PLA2G12A: variants seen among roughly 807,000 people sequenced by gnomAD.
PLA2G12A encodes the protein group XIIA secretory phospholipase A2.
In PLA2G12A, 11 loss-of-function variants were observed where a neutral mutation model predicts 16.0. The observed-to-expected ratio is 0.69, with a 90% CI of 0.43 to 1.13. The LOEUF is 1.13. Among genes scored for constraint, PLA2G12A ranks in the 50% most tolerant of loss-of-function variants. The probability of loss-of-function intolerance (pLI) is 0.00; values close to 1 mark genes in which losing one functional copy is unlikely to be tolerated. For synonymous variants in PLA2G12A, 77 were observed against 93.8 expected (o/e 0.82, Z 1.03); for missense variants, 214 against 237.3 (o/e 0.90, Z 0.65).
chr4:109,722,485 G>C (rs946544573), intron 1 of PLA2G12A, among the ~76,000 whole-genome samples: 2 of 152,220 alleles, frequency 1.3e-5, no homozygotes, highest in Non-Finnish European at 2.9e-5. Flanking sequence ...CCCTATAAAA[G>C]TGGCCCTAAA....
rs369483334 is a variant in PLA2G12A, at chr4:109,712,271, C to T, written c.*2106G>A. 5.9e-5 allele frequency: 9 copies of T among 152,124 alleles called. No homozygotes were observed. The East Asian group carries it at 9.6e-4, about 16-fold the overall frequency. 9.4% of individuals were successfully genotyped at this position (152,124 alleles called of 1,614,324 possible). ...AACTGGGTGAGTGGTCACAGAAGCT[C>T]TCCATGTATCTTTGCAACTTTTCTG... is the stretch of plus-strand genomic sequence containing the variant. On this transcript the variant is annotated 3_prime_UTR_variant, in exon 4 of 4. Coordinates refer to ENST00000243501, the MANE Select transcript of PLA2G12A (RefSeq NM_030821.5).
At chr4:109,720,137 C>T (rs1316188023) in intron 1 of PLA2G12A, among the ~76,000 whole-genome samples, 1 of 152,148 alleles carries the variant, frequency 6.6e-6, no homozygotes, top group African/African-American at 2.4e-5. Flanking sequence ...ATCCTCTGCC[C>T]CTTGGGGAAA....
chr4:109,713,524 C>T lies in PLA2G12A; in HGVS notation c.*853G>A, dbSNP rs138261217. ...CTGGGAAATAAATAACAAAGCATAA[C>T]AGCAAATAGTGCCTTGATATATTAG... On this transcript the variant is annotated 3_prime_UTR_variant, in exon 4 of 4. Transcript: ENST00000243501. 2.7e-3 allele frequency: 413 copies of T among 152,300 alleles called. 1 individual carries two copies. The highest frequency in any genetic ancestry group is 8.6e-3 in the African/African-American group (359 of 41,562). 9.4% of individuals were successfully genotyped at this position (152,300 alleles called of 1,614,324 possible).
intron 3 of PLA2G12A, among the ~76,000 whole-genome samples, chr4:109,715,808 A>G (rs1207115337): frequency 6.6e-6 from 1 of 152,220 alleles, no homozygotes; most frequent in Non-Finnish European, 1.5e-5. Context: ...GAAGACTATG[A>G]AAAGGTAATT....
chr4:109,727,418 T>C (rs1444849533), intron 1 of PLA2G12A, among the ~76,000 whole-genome samples: 4 of 152,156 alleles, frequency 2.6e-5, no homozygotes, highest in Non-Finnish European at 4.4e-5. Context: ...GCCTAATTTT[T>C]TTTTTCATTG....
rs116175985 is a variant in PLA2G12A at position 109,729,945 on chromosome 4, G to A, written c.-136C>T. On this transcript the variant is annotated 5_prime_UTR_variant, in exon 1 of 4. Coordinates refer to ENST00000243501, the MANE Select transcript of PLA2G12A (RefSeq NM_030821.5). ...AGCTCCATATCCACGCCTCCTTCCC[G>A]GCTGGCCCTCAGGATCTCGCTGTCT... 1.4e-6 allele frequency: 1 copy of A among 706,568 alleles called. No homozygotes were observed. The highest frequency in any genetic ancestry group is 2.2e-6 in the Non-Finnish European group (1 of 453,774). 43.8% of individuals were successfully genotyped at this position (706,568 alleles called of 1,614,324 possible).
At chr4:109,724,698 A>G (rs1250050836) in intron 1 of PLA2G12A, among the ~76,000 whole-genome samples, 1 of 152,210 alleles carries the variant, frequency 6.6e-6, no homozygotes, top group Non-Finnish European at 1.5e-5. Context: ...CATGCCCACC[A>G]TAGGAGAGTA....
intron 1 of PLA2G12A, 54 bp from the exon 2 acceptor site, chr4:109,718,813 A>G (rs912550675): frequency 4.8e-6 from 6 of 1,250,128 alleles, no homozygotes; most frequent in African/African-American, 1.5e-5. Flanking sequence ...AAAGTAAAAT[A>G]CATACTCAAA....
At position 109,729,776 on chromosome 4, in the gene PLA2G12A, G is replaced by C; in HGVS notation, c.34C>G (p.Leu12Val). ...ACAACAGCGGCCATGAGGAGGAGCA[G>C]GAGGGTGAGCGCGGGGCGCGAGAGC... The part of the protein sequence containing the change: ...ALLSRPALTL[L>V]LLLMAAVVRC... Residue 12 changes from leucine to valine, a missense_variant, in exon 1 of 4, where the codon CTG becomes GTG. Physicochemically the swap from Leu to Val is conservative, Grantham distance 32. Transcript: ENST00000243501. The C allele has an allele frequency of 6.4e-7, 1 of 1,565,404 alleles. No homozygotes were observed. Among genetic ancestry groups the C allele is most frequent in the Non-Finnish European group, 8.7e-7 (1 of 1,155,896 alleles).
In PLA2G12A at chr4:109,713,853, C is replaced by T. The variant is rs1469844510; in HGVS notation, c.*524G>A. Reference sequence around the variant, plus strand: ...TGCTCAACGGGCTACAGAGAAACAACATATTATGTTGTACTTTAATTACAT... The same window carrying T: ...TGCTCAACGGGCTACAGAGAAACAATATATTATGTTGTACTTTAATTACAT... On this transcript the variant is annotated 3_prime_UTR_variant, in exon 4 of 4. Transcript: ENST00000243501. 1 of 153,266 alleles carries T rather than the reference C, an allele frequency of 6.5e-6. No individual in the cohort carries two copies. Among genetic ancestry groups the T allele is most frequent in the Non-Finnish European group, 1.5e-5 (1 of 68,944 alleles). 9.5% of individuals were successfully genotyped at this position (153,266 alleles called of 1,614,324 possible). A position where few individuals can be genotyped will look rare whatever the true frequency, so the allele number is the denominator to read the frequency against.
chr4:109,720,651 T>A (rs148416651), intron 1 of PLA2G12A, among the ~76,000 whole-genome samples: 2,985 of 121,038 alleles, frequency 0.025, 157 homozygotes, highest in African/African-American at 0.089. Flanking sequence ...ATATGAATTT[T>A]AAAAAAATAA....
rs117538115 is a variant in PLA2G12A at position 109,718,396 on chromosome 4, T to C, written c.285+287A>G. Among the ~76,000 whole-genome samples the C allele has an allele frequency of 3.6e-3, 551 of 152,324 alleles. 7 individuals are homozygous for C. The highest frequency in any genetic ancestry group is 0.013 in the East Asian group (68 of 5,190). ...TGTCGAAAACATGATTTATCTATACTTTTTCCCTCTAAGTAGTAGCACTTC... is the reference window on the plus strand; with the variant it reads ...TGTCGAAAACATGATTTATCTATACCTTTTCCCTCTAAGTAGTAGCACTTC... On this transcript the variant is annotated intron_variant, in intron 2 of 3. Transcript: ENST00000243501.
intron 2 of PLA2G12A, among the ~76,000 whole-genome samples, chr4:109,718,415 G>A (rs1730865629): frequency 6.6e-6 from 1 of 152,098 alleles, no homozygotes; most frequent in Non-Finnish European, 1.5e-5. Context: ...CTAAGTAGTA[G>A]CACTTCTGTA....
chr4:109,713,294 A>G lies in PLA2G12A; in HGVS notation c.*1083T>C, dbSNP rs1465318829. On this transcript the variant is annotated 3_prime_UTR_variant, in exon 4 of 4. Coordinates refer to ENST00000243501, the MANE Select transcript of PLA2G12A (RefSeq NM_030821.5). ...TCATAGACATCTTCAGAAGCTGTTG[A>G]AGTTTTCTTGGATTTGCTCTAAACA... 3.3e-5 allele frequency: 5 copies of G among 152,220 alleles called. No homozygotes were observed. The East Asian group carries it at 9.6e-4, about 29-fold the overall frequency. The allele number at this position is 152,220 out of a possible 1,614,324, so 9.4% of individuals were successfully genotyped here.
Position 109,729,669 on chromosome 4 carries a change from C to A in PLA2G12A, c.141G>T (p.Thr47=). ...GGAGGTCCAAGGCGGCGTTCAGGTACGTGTCTATCTTATGAACGCCGTTCC... is the reference window on the plus strand; with the variant it reads ...GGAGGTCCAAGGCGGCGTTCAGGTAAGTGTCTATCTTATGAACGCCGTTCC... ...TIRNGVHKID[T]YLNAALDLLG... The change falls in exon 1 of 4, where the codon ACG becomes ACT. Residue 47 remains threonine, a synonymous_variant. Transcript: ENST00000243501. The A allele has an allele frequency of 6.2e-7, 1 of 1,611,904 alleles. No homozygotes were observed. Among genetic ancestry groups the A allele is most frequent in the Non-Finnish European group, 8.5e-7 (1 of 1,179,806 alleles).
rs1439413550 is a variant in PLA2G12A, at chr4:109,710,947, A to G, written c.*3430T>C. 6.6e-6 allele frequency: 1 copy of G among 152,148 alleles called. No homozygotes were observed. The highest frequency in any genetic ancestry group is 1.5e-5 in the Non-Finnish European group (1 of 68,036). 9.4% of individuals were successfully genotyped at this position (152,148 alleles called of 1,614,324 possible). ...TACAGCCATATCTGTCCCTGGAAGA[A>G]CTATGTCAAAAGATTTTAAAGAGAC... is the stretch of plus-strand genomic sequence containing the variant. On this transcript the variant is annotated 3_prime_UTR_variant, in exon 4 of 4. Transcript: ENST00000243501.
intron 3 of PLA2G12A, among the ~76,000 whole-genome samples, chr4:109,714,719 C>T (rs1168435740): frequency 2.0e-5 from 3 of 150,658 alleles, no homozygotes; most frequent in Admixed American, 2.0e-4. Flanking sequence ...TTGCATTCAA[C>T]TGTTTAACCC....
rs1730770317 is a variant in PLA2G12A at position 109,713,385 on chromosome 4, C to T, written c.*992G>A. The T allele has an allele frequency of 6.6e-6, 1 of 152,156 alleles. No individual in the cohort carries two copies. The highest frequency in any genetic ancestry group is 6.5e-5 in the Admixed American group (1 of 15,282). 9.4% of individuals were successfully genotyped at this position (152,156 alleles called of 1,614,324 possible). Reference sequence around the variant, plus strand: ...GGCATTTATATCTTGCCTTTTCCATCCTTTTGGCTCTAATTAAAGGCTTTT... The same window carrying T: ...GGCATTTATATCTTGCCTTTTCCATTCTTTTGGCTCTAATTAAAGGCTTTT... On this transcript the variant is annotated 3_prime_UTR_variant, in exon 4 of 4. Coordinates refer to ENST00000243501, the MANE Select transcript of PLA2G12A (RefSeq NM_030821.5).
At chr4:109,729,045 C>A (rs888303558) in intron 1 of PLA2G12A, among the ~76,000 whole-genome samples, 3 of 152,054 alleles carry the variant, frequency 2.0e-5, no homozygotes, top group Non-Finnish European at 4.4e-5. Flanking sequence ...GGAGGCGGGT[C>A]ACTGATATCT....
Sources: gnomAD v4.1 joint callset for allele counts (sites outside exome capture counted in the v4.1 genomes callset) on GRCh38, gnomAD v4.1.1 for gene constraint, MANE v1.5 for transcripts, NCBI Gene and HGNC (gene_info 2026-07-23, HGNC 2026-07-21) for gene names.